RFX7: variants seen among roughly 807,000 people sequenced by gnomAD.
The protein encoded by RFX7 is regulatory factor X7.
Under a neutral mutation model 111.8 loss-of-function variants are expected in RFX7, and 26 were observed. That is an observed-to-expected ratio of 0.23 (90% CI 0.17 to 0.32). The LOEUF is 0.32. Among genes scored for constraint, RFX7 ranks in the 10% least tolerant of loss-of-function variants. The probability of loss-of-function intolerance (pLI) is 1.00; values close to 1 mark genes in which losing one functional copy is unlikely to be tolerated. For missense variants in RFX7, 1,573 were observed against 1,772.9 expected, an observed-to-expected ratio of 0.89 and a Z score of 2.02; for synonymous variants, 624 against 624.4, an observed-to-expected ratio of 1.00 and a Z score of 0.01.
At position 56,118,014 on chromosome 15, in the gene RFX7, C is replaced by CCTAT. The variant is rs375074523; in HGVS notation, c.402-14348_402-14345dup. On this transcript the variant is annotated intron_variant, in intron 5 of 9. Coordinates refer to ENST00000559447, the MANE Select transcript of RFX7 (RefSeq NM_022841.7). ...TAGGACTGCTGGATCATATGATAGT[C>CCTAT]CTATCTATCTATCTATCTATCTACA... is the stretch of plus-strand genomic sequence containing the variant. Among the ~76,000 whole-genome samples the CCTAT allele has an allele frequency of 1.8e-3, 279 of 151,310 alleles. 2 individuals carry two copies. The highest frequency in any genetic ancestry group is 6.5e-3 in the South Asian group (31 of 4,784).
chr15:56,219,124 T>G (rs1361568303), intron 2 of RFX7, among the ~76,000 whole-genome samples: 1 of 152,222 alleles, frequency 6.6e-6, no homozygotes, highest in Non-Finnish European at 1.5e-5. Context: ...ACTTCTCCCT[T>G]TAGTTAAATC....
At chr15:56,180,870 T>C (rs926059625) in intron 2 of RFX7, among the ~76,000 whole-genome samples, 1 of 151,808 alleles carries the variant, frequency 6.6e-6, no homozygotes, top group African/African-American at 2.4e-5. Flanking sequence ...TGAGGTGAGA[T>C]TGTGCCACTG....
chr15:56,092,581 C>A lies in RFX7; in HGVS notation c.*764G>T, dbSNP rs1357920395. On this transcript the variant is annotated 3_prime_UTR_variant, in exon 10 of 10. Transcript: ENST00000559447. ...TGCTTGTATTTATTATATTAAATTA[C>A]AAATGCCTGGAGTTACATTTGCTTG... 6.6e-6 allele frequency: 1 copy of A among 152,296 alleles called. No homozygotes were observed. Among genetic ancestry groups the A allele is most frequent in the African/African-American group, 2.4e-5 (1 of 41,406 alleles). 9.4% of individuals were successfully genotyped at this position (152,296 alleles called of 1,614,324 possible).
At chr15:56,177,112 T>C (rs779754175) in intron 3 of RFX7, among the ~76,000 whole-genome samples, 1 of 152,202 alleles carries the variant, frequency 6.6e-6, no homozygotes, top group Non-Finnish European at 1.5e-5. Flanking sequence ...TGGGATCCTG[T>C]ATTCTTCAAA....
chr15:56,170,538 T>C (rs193038476), intron 3 of RFX7, among the ~76,000 whole-genome samples: 10 of 152,272 alleles, frequency 6.6e-5, no homozygotes. Context: ...AATGTCTCCA[T>C]ATATTGTCAA....
intron 3 of RFX7, among the ~76,000 whole-genome samples, chr15:56,147,773 C>T (rs920514806): frequency 1.5e-4 from 23 of 152,098 alleles, no homozygotes; most frequent in African/African-American, 5.3e-4. Context: ...CAGGGTTTCA[C>T]CGTGTTAGCG....
intron 5 of RFX7, among the ~76,000 whole-genome samples, chr15:56,134,267 C>G (rs555393956): frequency 6.6e-6 from 1 of 152,094 alleles, no homozygotes; most frequent in Non-Finnish European, 1.5e-5. Flanking sequence ...TAGTGGAAGA[C>G]CTACAAGGTC....
At chr15:56,242,643 C>A (rs1174325267) in intron 2 of RFX7, among the ~76,000 whole-genome samples, 1 of 152,152 alleles carries the variant, frequency 6.6e-6, no homozygotes, top group African/African-American at 2.4e-5. Context: ...TCAGAAATAG[C>A]AGCTAACCCA....
rs534356701 is a variant in RFX7, at chr15:56,111,882, C to T, written c.402-8212G>A. On this transcript the variant is annotated intron_variant, in intron 5 of 9. Transcript: ENST00000559447. ...CTGTAGTCCCAGCACTTTGGGAGGC[C>T]GAGGCGGGTGGATCACGAGGTCAGG... Among the ~76,000 whole-genome samples the T allele has an allele frequency of 5.1e-4, 77 of 151,864 alleles. No individual in the cohort carries two copies. In the South Asian group the frequency reaches 0.014, roughly 27 times the overall value.
chr15:56,235,830 T>A (rs180780888), intron 2 of RFX7, among the ~76,000 whole-genome samples: 14 of 152,312 alleles, frequency 9.2e-5, no homozygotes, highest in Admixed American at 8.5e-4. Context: ...TATCTAAACC[T>A]TTGCTATTCA....
intron 2 of RFX7, among the ~76,000 whole-genome samples, chr15:56,224,851 T>A (rs1451703475): frequency 2.0e-5 from 3 of 152,136 alleles, no homozygotes; most frequent in African/African-American, 7.2e-5. Context: ...TTTAACTATG[T>A]ATTCATCTGG....
chr15:56,194,085 T>C (rs1048267341), intron 2 of RFX7, among the ~76,000 whole-genome samples: 2 of 152,174 alleles, frequency 1.3e-5, no homozygotes, highest in African/African-American at 4.8e-5. Context: ...TCTTGTTTGC[T>C]AGAAACATTT....
chr15:56,098,376 C>A lies in RFX7; in HGVS notation c.812G>T (p.Gly271Val), dbSNP rs750353636. ...ALTVMAAAPAGMKGITQPSAF... is the reference protein window; with the variant it reads ...ALTVMAAAPAVMKGITQPSAF... ...AGAAGGCTGGGTAATTCCTTTCATT[C>A]CTGAAAATAAACAGAAAGGAAAGCT... Residue 271 changes from glycine (G) to valine (V), a missense_variant and splice_region_variant, in exon 9 of 10, where the codon GGA becomes GTA. Physicochemically the swap from Gly to Val is moderately radical, Grantham distance 109. Coordinates refer to ENST00000559447, the MANE Select transcript of RFX7 (RefSeq NM_022841.7). 9 of 1,582,316 alleles carry A rather than the reference C, an allele frequency of 5.7e-6. No homozygotes were observed. The highest frequency in any genetic ancestry group is 1.7e-4 in the Middle Eastern group (1 of 5,940).
chr15:56,195,966 G>A (rs986479347), intron 2 of RFX7, among the ~76,000 whole-genome samples: 10 of 152,028 alleles, frequency 6.6e-5, no homozygotes, highest in Admixed American at 2.6e-4. Context: ...AAGATTTATT[G>A]ATTTTATTGT....
At chr15:56,141,525 G>C (rs1315512863) in intron 5 of RFX7, among the ~76,000 whole-genome samples, 7 of 151,470 alleles carry the variant, frequency 4.6e-5, no homozygotes, top group Admixed American at 4.6e-4. Flanking sequence ...CTTCAATCCA[G>C]AGTTTCAACA....
intron 2 of RFX7, among the ~76,000 whole-genome samples, chr15:56,216,585 C>G (rs1323570155): frequency 6.6e-6 from 1 of 152,152 alleles, no homozygotes; most frequent in Non-Finnish European, 1.5e-5. Context: ...CTGACCCTAT[C>G]ATACTTTAAT....
intron 3 of RFX7, among the ~76,000 whole-genome samples, chr15:56,161,798 A>C (rs529324239): frequency 2.0e-5 from 3 of 152,218 alleles, no homozygotes; most frequent in Admixed American, 1.3e-4. Flanking sequence ...TACTGCTAAA[A>C]CACTCATATA....
chr15:56,198,682 G>A (rs774937101), intron 2 of RFX7, among the ~76,000 whole-genome samples: 1 of 152,076 alleles, frequency 6.6e-6, no homozygotes, highest in East Asian at 1.9e-4. Flanking sequence ...TAGCCATAAG[G>A]ACACTGATTC....
At position 56,167,251 on chromosome 15, in the gene RFX7, T is replaced by G. The variant is rs377602519; in HGVS notation, c.195+12019A>C. 1.3e-5 allele frequency among the ~76,000 whole-genome samples: 2 copies of G among 152,268 alleles called. 1 individual carries two copies. ...TGAGTTGAGCTCAGGAATTTGAGGC[T>G]GCAGTGAGCTATGATCATGGCACTG... On this transcript the variant is annotated intron_variant, in intron 3 of 9. Coordinates refer to ENST00000559447, the MANE Select transcript of RFX7 (RefSeq NM_022841.7).
Sources: allele counts gnomAD v4.1 joint callset (sites outside exome capture counted in the v4.1 genomes callset), GRCh38; gene constraint gnomAD v4.1.1; transcripts MANE v1.5; gene names NCBI Gene and HGNC (gene_info 2026-07-23, HGNC 2026-07-21).